GLG1: variants seen among roughly 807,000 people sequenced by gnomAD.
The protein encoded by GLG1 is Golgi apparatus protein 1.
A neutral mutation model predicts 160.5 loss-of-function variants in GLG1; 38 were observed. That is an observed-to-expected ratio of 0.24 (90% CI 0.18 to 0.31). The LOEUF is 0.31. GLG1 is among the 10% of genes least tolerant of loss of function. GLG1 has a pLI of 1.00. For missense variants in GLG1, 1,373 were observed against 1,505.2 expected, an observed-to-expected ratio of 0.91 and a Z score of 1.45; for synonymous variants, 644 against 543.4, an observed-to-expected ratio of 1.19 and a Z score of -2.57.
chr16:74,543,450 C>T (rs2143664755), intron 1 of GLG1, among the ~76,000 whole-genome samples: 1 of 152,230 alleles, frequency 6.6e-6, no homozygotes, highest in South Asian at 2.1e-4. Context: ...TGCACTCCAG[C>T]CTGGACAACA....
In GLG1 at chr16:74,606,676, C is replaced by A; in HGVS notation, c.419G>T (p.Cys140Phe). The A allele has an allele frequency of 6.3e-7, 1 of 1,585,274 alleles. No individual in the cohort carries two copies. Among genetic ancestry groups the A allele is most frequent in the Non-Finnish European group, 8.6e-7 (1 of 1,161,992 alleles). Reference protein sequence around the residue: ...TWSNNLAVLECLQDVREPENE... With the variant: ...TWSNNLAVLEFLQDVREPENE... ...CCTCACCTCCCTCACATCCTGCAGG[C>A]ACTCGAGCACCGCCAGGTTGTTGCT... is the stretch of plus-strand genomic sequence containing the variant. Residue 140 changes from cysteine to phenylalanine, a missense_variant, in exon 1 of 26, where the codon TGC (cysteine) becomes TTC (phenylalanine). This residue lies in a region of GLG1 where 322 missense variants were observed against 254.6 expected (regional missense o/e 1.26). Transcript: ENST00000422840.
chr16:74,587,654 T>A (rs1482422461), intron 1 of GLG1, among the ~76,000 whole-genome samples: 2 of 151,888 alleles, frequency 1.3e-5, no homozygotes, highest in Non-Finnish European at 2.9e-5. Flanking sequence ...GATCACGAGG[T>A]CAAGAGATCA....
At chr16:74,530,812 G>A (rs1248578627) in intron 2 of GLG1, among the ~76,000 whole-genome samples, 1 of 151,936 alleles carries the variant, frequency 6.6e-6, no homozygotes, top group Admixed American at 6.6e-5. Flanking sequence ...TTTGATATTT[G>A]CTAATCAAAT....
At chr16:74,501,653 C>T (rs1667834244) in intron 4 of GLG1, among the ~76,000 whole-genome samples, 1 of 152,160 alleles carries the variant, frequency 6.6e-6, no homozygotes, top group Admixed American at 6.5e-5. Flanking sequence ...GCATGGAGCA[C>T]TCATCACGAG....
chr16:74,488,358 A>G (rs189461534), intron 8 of GLG1, among the ~76,000 whole-genome samples: 12 of 152,314 alleles, frequency 7.9e-5, no homozygotes, highest in Non-Finnish European at 1.8e-4. Context: ...CCTGGGCAAC[A>G]CGGCGAGACC....
chr16:74,502,306 G>A (rs1408324598), intron 4 of GLG1, among the ~76,000 whole-genome samples: 1 of 152,066 alleles, frequency 6.6e-6, no homozygotes, highest in Non-Finnish European at 1.5e-5. Context: ...TCTCTATTGT[G>A]ACCTTCTGTT....
chr16:74,503,458 T>G lies in GLG1; in HGVS notation c.774+73A>C. On this transcript the variant is annotated intron_variant, in intron 4 of 25. Transcript: ENST00000422840. ...TCACTCCAGTCCTAAATTTTTCCCA[T>G]GTCAGTTATACAAAGCTTTTCATAC... The G allele has an allele frequency of 3.0e-6, 3 of 1,010,588 alleles. No individual in the cohort carries two copies. The South Asian group carries it at 4.0e-5, about 14-fold the overall frequency. The allele number at this position is 1,010,588 out of a possible 1,614,324, so 62.6% of individuals were successfully genotyped here.
At chr16:74,463,334 G>A (rs746604985) in intron 20 of GLG1, 22 bp downstream of exon 20, 1 of 1,613,270 alleles carries the variant, frequency 6.2e-7, no homozygotes. Context: ...ACGGGGCCAG[G>A]AGAGCCAAGC....
chr16:74,502,721 GGT>G (rs1491124347), intron 4 of GLG1, among the ~76,000 whole-genome samples: 22 of 48,782 alleles, frequency 4.5e-4, no homozygotes, highest in Non-Finnish European at 7.7e-4. Context: ...TTTTGTTTTT[GGT>G]TTTTTTTTTT....
intron 1 of GLG1, among the ~76,000 whole-genome samples, chr16:74,583,123 C>G (rs987681538): frequency 2.6e-5 from 4 of 152,154 alleles, no homozygotes; most frequent in African/African-American, 7.2e-5. Context: ...CTCTTTCCAA[C>G]CCTTCATCGC....
intron 1 of GLG1, among the ~76,000 whole-genome samples, chr16:74,545,414 C>G (rs2018018349): frequency 6.6e-6 from 1 of 152,016 alleles, no homozygotes; most frequent in African/African-American, 2.4e-5. Context: ...CTCCTAGGCT[C>G]AAGGGATCCA....
intron 1 of GLG1, among the ~76,000 whole-genome samples, chr16:74,568,746 C>CT (rs1177998542): frequency 6.6e-6 from 1 of 152,076 alleles, no homozygotes; most frequent in Non-Finnish European, 1.5e-5. Flanking sequence ...TTGCAAAGTG[C>CT]TTAACCAATA....
At chr16:74,579,650 A>C (rs1340000570) in intron 1 of GLG1, among the ~76,000 whole-genome samples, 1 of 151,674 alleles carries the variant, frequency 6.6e-6, no homozygotes, top group Non-Finnish European at 1.5e-5. Flanking sequence ...TGAACCAGGG[A>C]GGCGGAGGTT....
Position 74,496,578 on chromosome 16 carries a change from T to C in GLG1, c.841A>G (p.Arg281Gly), listed in dbSNP as rs1312138334. ...TCAGAAACTTGAATCTTGGGTTCTC[T>C]TTCTTCTGCTTCTTTCACCAGGCCT... ...EKGLVKEAEE[R>G]EPKIQVSELC... The change falls in exon 5 of 26, where the codon AGA becomes GGA. Residue 281 changes from arginine to glycine, a missense_variant. Arg to Gly is a moderately radical substitution (Grantham distance 125, BLOSUM62 -2). Transcript: ENST00000422840. The C allele has an allele frequency of 6.2e-7, 1 of 1,613,668 alleles. No homozygotes were observed. The highest frequency in any genetic ancestry group is 2.2e-5 in the East Asian group (1 of 44,870).
chr16:74,551,285 T>C (rs2018191021), intron 1 of GLG1, among the ~76,000 whole-genome samples: 2 of 152,106 alleles, frequency 1.3e-5, no homozygotes, highest in Non-Finnish European at 2.9e-5. Flanking sequence ...AAGCAAGTGC[T>C]ATATCTTATT....
intron 1 of GLG1, among the ~76,000 whole-genome samples, chr16:74,576,386 G>C (rs940697560): frequency 6.6e-5 from 10 of 152,072 alleles, no homozygotes; most frequent in African/African-American, 2.2e-4. Flanking sequence ...GATTTGGATG[G>C]ATCATAGACC....
At chr16:74,582,575 C>T (rs1473564992) in intron 1 of GLG1, among the ~76,000 whole-genome samples, 3 of 151,826 alleles carry the variant, frequency 2.0e-5, no homozygotes, top group African/African-American at 7.3e-5. Context: ...AATCCCAGCA[C>T]TTTGGGAGGC....
chr16:74,536,303 A>C (rs1452922562), intron 1 of GLG1, among the ~76,000 whole-genome samples: 1 of 152,210 alleles, frequency 6.6e-6, no homozygotes, highest in Non-Finnish European at 1.5e-5. Context: ...TAACACCCAT[A>C]ATTACTAAAA....
chr16:74,453,827 CAAAGAT>C (rs1390713261), intron 25 of GLG1, among the ~76,000 whole-genome samples: 2 of 151,930 alleles, frequency 1.3e-5, no homozygotes, highest in African/African-American at 2.4e-5. Flanking sequence ...CTTTAAAAAA[CAAAGAT>C]AAAAGTTGAC....
Sources: gnomAD v4.1 joint callset for allele counts (sites outside exome capture counted in the v4.1 genomes callset) on GRCh38, gnomAD v4.1.1 for gene constraint, gnomAD v4.1.1 regional missense constraint, MANE v1.5 for transcripts, NCBI Gene and HGNC (gene_info 2026-07-23, HGNC 2026-07-21) for gene names.